The following CSMD1 variants were observed in gnomAD, a reference collection of about 807,000 sequenced individuals.
The protein encoded by CSMD1 is CUB and Sushi multiple domains 1, also known as CUB and sushi domain-containing protein 1.
A neutral mutation model predicts 417.5 loss-of-function variants in CSMD1; 213 were observed. The ratio of observed to expected loss-of-function variants is 0.51; its 90% confidence interval spans 0.46 to 0.57. The LOEUF (loss-of-function observed/expected upper bound fraction) is 0.57, where lower values mean the gene tolerates loss of function less well. CSMD1 is among the 20% of genes least tolerant of loss of function. The probability of loss-of-function intolerance (pLI) is 0.00; values close to 1 mark genes in which losing one functional copy is unlikely to be tolerated. For synonymous variants in CSMD1, 2,862 were observed against 1,736.8 expected, an observed-to-expected ratio of 1.65 and a Z score of -16.11; for missense variants, 6,923 against 4,529.7, an observed-to-expected ratio of 1.53 and a Z score of -15.17.
At chr8:3,324,107 ACCCCAC>A (rs1806343561) in intron 23 of CSMD1, among the ~76,000 whole-genome samples, 2 of 124,268 alleles carry the variant, frequency 1.6e-5, no homozygotes, top group Non-Finnish European at 3.3e-5. Context: ...AGTTTCCTTC[ACCCCAC>A]CTTTCATCAT....
At chr8:3,945,132 T>G (rs111357732) in intron 5 of CSMD1, among the ~76,000 whole-genome samples, 1 of 128,230 alleles carries the variant, frequency 7.8e-6, no homozygotes, top group Non-Finnish European at 1.6e-5. Flanking sequence ...TTGTAAGTGA[T>G]ACACAATTTG....
At chr8:4,113,039 T>A (rs1801940123) in intron 3 of CSMD1, among the ~76,000 whole-genome samples, 1 of 152,160 alleles carries the variant, frequency 6.6e-6, no homozygotes. Context: ...ATGGTACCAT[T>A]TAAGGTGTTT....
chr8:3,603,747 T>C (rs914327624), intron 8 of CSMD1, among the ~76,000 whole-genome samples: 1 of 152,228 alleles, frequency 6.6e-6, no homozygotes, highest in African/African-American at 2.4e-5. Flanking sequence ...ATGGGCTTGA[T>C]TCTAACTTTA....
At chr8:3,891,073 G>C (rs1420759669) in intron 5 of CSMD1, among the ~76,000 whole-genome samples, 1 of 151,694 alleles carries the variant, frequency 6.6e-6, no homozygotes, top group Non-Finnish European at 1.5e-5. Flanking sequence ...TTTTGAGACA[G>C]GATCTCACTC....
chr8:4,662,678 T>C (rs551268932), intron 1 of CSMD1, among the ~76,000 whole-genome samples: 1 of 152,322 alleles, frequency 6.6e-6, no homozygotes, highest in East Asian at 1.9e-4. Flanking sequence ...TGTGGTCTAC[T>C]TTCAGGAGCA....
intron 23 of CSMD1, among the ~76,000 whole-genome samples, chr8:3,315,605 T>G (rs1395087476): frequency 1.3e-5 from 2 of 150,306 alleles, no homozygotes; most frequent in Non-Finnish European, 3.0e-5. Context: ...GACATTATTT[T>G]GTAATCCTAT....
intron 5 of CSMD1, among the ~76,000 whole-genome samples, chr8:3,790,474 T>A (rs1324358848): frequency 6.6e-6 from 1 of 152,152 alleles, no homozygotes; most frequent in African/African-American, 2.4e-5. Flanking sequence ...TTGATGGTGA[T>A]GCTAATGATG....
intron 2 of CSMD1, among the ~76,000 whole-genome samples, chr8:4,636,545 T>A (rs1427352362): frequency 6.6e-6 from 1 of 152,204 alleles, no homozygotes; most frequent in East Asian, 1.9e-4. Context: ...ATTAGCTGAA[T>A]TGTACTCAAG....
At chr8:4,294,004 G>C (rs1446466423) in intron 3 of CSMD1, among the ~76,000 whole-genome samples, 5 of 152,202 alleles carry the variant, frequency 3.3e-5, no homozygotes, top group Non-Finnish European at 2.9e-5. Flanking sequence ...TGTATAAAAA[G>C]TTTTAGGATA....
intron 15 of CSMD1, among the ~76,000 whole-genome samples, chr8:3,403,296 G>A (rs1485769932): frequency 6.6e-6 from 1 of 152,058 alleles, no homozygotes; most frequent in Non-Finnish European, 1.5e-5. Context: ...CTGCTTCATT[G>A]CTATTTTATT....
chr8:4,695,143 C>T (rs1807031856), intron 1 of CSMD1, among the ~76,000 whole-genome samples: 1 of 152,148 alleles, frequency 6.6e-6, no homozygotes, highest in African/African-American at 2.4e-5. Flanking sequence ...TTATCAAATA[C>T]TCATTTTTGT....
chr8:3,203,402 C>T (rs1319350660), intron 31 of CSMD1, among the ~76,000 whole-genome samples: 1 of 152,180 alleles, frequency 6.6e-6, no homozygotes, highest in Non-Finnish European at 1.5e-5. Flanking sequence ...TGCCGGAAAT[C>T]ATGAGAATGT....
At chr8:3,380,712 G>C (rs780030303) in intron 18 of CSMD1, among the ~76,000 whole-genome samples, 5 of 152,034 alleles carry the variant, frequency 3.3e-5, no homozygotes, top group Non-Finnish European at 5.9e-5. Context: ...ACACAGGCTG[G>C]GGAAACATCA....
intron 3 of CSMD1, among the ~76,000 whole-genome samples, chr8:4,136,714 T>C (rs2130999990): frequency 6.6e-6 from 1 of 152,332 alleles, no homozygotes; most frequent in Non-Finnish European, 1.5e-5. Flanking sequence ...ACATCTTATG[T>C]AGCCATCAAG....
chr8:3,249,639 C>G (rs114283292), intron 26 of CSMD1, among the ~76,000 whole-genome samples: 1,736 of 152,206 alleles, frequency 0.011, 37 homozygotes, highest in African/African-American at 0.04. Context: ...ATAATGTAAA[C>G]ATGTAATTAA....
chr8:4,237,932 C>A (rs975167133), intron 3 of CSMD1, among the ~76,000 whole-genome samples: 1 of 152,096 alleles, frequency 6.6e-6, no homozygotes, highest in Non-Finnish European at 1.5e-5. Context: ...CTCTCACTGG[C>A]GGAGAAGCAG....
rs544932075 is a variant in CSMD1 at position 3,940,379 on chromosome 8, T to G, written c.818+57524A>C. Among the ~76,000 whole-genome samples, 6 of 152,208 alleles carry G rather than the reference T, an allele frequency of 3.9e-5. No individual in the cohort carries two copies. The South Asian group carries it at 6.2e-4, about 16-fold the overall frequency. ...GTGGGGGGAAAACAGTATGTTATTT[T>G]GAAAATTATATTGAAAATAATGACA... On this transcript the variant is annotated intron_variant, in intron 5 of 69. Transcript: ENST00000635120.
intron 3 of CSMD1, among the ~76,000 whole-genome samples, chr8:4,371,543 A>C (rs1254502769): frequency 2.0e-5 from 3 of 152,294 alleles, no homozygotes; most frequent in Admixed American, 6.5e-5. Context: ...TATCGTTATA[A>C]ATTTTTTAAA....
intron 1 of CSMD1, among the ~76,000 whole-genome samples, chr8:4,677,452 A>T (rs1012786946): frequency 3.3e-5 from 5 of 152,128 alleles, no homozygotes; most frequent in African/African-American, 4.8e-5. Flanking sequence ...CCTTGTTTCA[A>T]CACACTACAA....
Sources: allele counts gnomAD v4.1 joint callset (sites outside exome capture counted in the v4.1 genomes callset), GRCh38; gene constraint gnomAD v4.1.1; transcripts MANE v1.5; gene names NCBI Gene and HGNC (gene_info 2026-07-23, HGNC 2026-07-21).